The following B3GALT1 variants were observed in gnomAD, a reference collection of about 807,000 sequenced individuals.
B3GALT1 encodes UDP-Gal:betaGlcNAc beta 1,3-galactosyltransferase, polypeptide 1.
In B3GALT1, 10 loss-of-function variants were observed where a neutral mutation model predicts 23.2. That is an observed-to-expected ratio of 0.43 (90% confidence interval 0.27 to 0.73). The LOEUF is 0.73. Among genes scored for constraint, B3GALT1 ranks in the 30% least tolerant of loss-of-function variants. The pLI is 0.21. For missense variants in B3GALT1, 299 were observed against 405.4 expected, an observed-to-expected ratio of 0.74 and a Z score of 2.25; for synonymous variants, 156 against 141.5, an observed-to-expected ratio of 1.10 and a Z score of -0.73.
At chr2:167,382,394 T>C (rs1226926410) in intron 1 of B3GALT1, among the ~76,000 whole-genome samples, 1 of 152,130 alleles carries the variant, frequency 6.6e-6, no homozygotes, top group Non-Finnish European at 1.5e-5. Context: ...GTTAAGGATG[T>C]TGCTTATGGT....
intron 2 of B3GALT1, among the ~76,000 whole-genome samples, chr2:167,569,774 T>G (rs1684256506): frequency 6.6e-6 from 1 of 151,920 alleles, no homozygotes; most frequent in African/African-American, 2.4e-5. Flanking sequence ...TTCTGACCAC[T>G]AAGTGTAATG....
intron 3 of B3GALT1, among the ~76,000 whole-genome samples, chr2:167,719,689 T>C (rs1316281370): frequency 1.3e-5 from 2 of 152,142 alleles, no homozygotes; most frequent in Non-Finnish European, 2.9e-5. Flanking sequence ...ATCCAGCACT[T>C]TGGGAGGCCG....
chr2:167,610,926 A>T (rs867535002), intron 2 of B3GALT1, among the ~76,000 whole-genome samples: 1 of 139,664 alleles, frequency 7.2e-6, no homozygotes, highest in African/African-American at 2.7e-5. Context: ...AAAAAAAAAA[A>T]AGAGAGAGAG....
intron 2 of B3GALT1, among the ~76,000 whole-genome samples, chr2:167,521,991 T>TATATATATATATATATATACAC (rs1700195760): frequency 7.3e-6 from 1 of 136,324 alleles, no homozygotes; most frequent in Non-Finnish European, 1.5e-5. Flanking sequence ...TGTGTATATA[T>TATATATATATATATATATACAC]ATATATATAT....
At chr2:167,307,198 C>T (rs1380709652) in intron 1 of B3GALT1, among the ~76,000 whole-genome samples, 4 of 152,038 alleles carry the variant, frequency 2.6e-5, no homozygotes, top group Middle Eastern at 3.4e-3. Flanking sequence ...CCTTTATACA[C>T]GAGTTAATTT....
At chr2:167,668,657 C>T (rs1686260538) in intron 3 of B3GALT1, among the ~76,000 whole-genome samples, 1 of 152,166 alleles carries the variant, frequency 6.6e-6, no homozygotes, top group South Asian at 2.1e-4. Context: ...TCCTGGTGCG[C>T]CGTTTTTTAA....
intron 2 of B3GALT1, among the ~76,000 whole-genome samples, chr2:167,625,339 C>T (rs1399832413): frequency 6.6e-6 from 1 of 151,868 alleles, no homozygotes; most frequent in Non-Finnish European, 1.5e-5. Flanking sequence ...CTGACCTTCA[C>T]CAGTTCAGTA....
chr2:167,730,368 C>T (rs1258271766), intron 3 of B3GALT1, among the ~76,000 whole-genome samples: 1 of 152,224 alleles, frequency 6.6e-6, no homozygotes, highest in Non-Finnish European at 1.5e-5. Flanking sequence ...TCAAACTTCA[C>T]TAGCAAAGTG....
At chr2:167,414,475 A>G (rs1014047503) in intron 1 of B3GALT1, among the ~76,000 whole-genome samples, 5 of 152,190 alleles carry the variant, frequency 3.3e-5, no homozygotes, top group Non-Finnish European at 5.9e-5. Context: ...CATTACTGCT[A>G]AAGTACCACA....
intron 2 of B3GALT1, among the ~76,000 whole-genome samples, chr2:167,638,179 T>C (rs1169829205): frequency 6.6e-6 from 1 of 152,056 alleles, no homozygotes; most frequent in African/African-American, 2.4e-5. Context: ...AGTTAATCAA[T>C]TTGAAAATTA....
chr2:167,447,747 A>G (rs138155942), intron 1 of B3GALT1, among the ~76,000 whole-genome samples: 2,647 of 152,248 alleles, frequency 0.017, 83 homozygotes, highest in African/African-American at 0.061. Context: ...CCGATTTTCC[A>G]GGTGCCGTCT....
intron 2 of B3GALT1, among the ~76,000 whole-genome samples, chr2:167,507,849 G>C (rs1200563617): frequency 6.6e-6 from 1 of 152,182 alleles, no homozygotes; most frequent in Non-Finnish European, 1.5e-5. Flanking sequence ...CTTGTACTTA[G>C]TGAATGTCTT....
At chr2:167,664,979 G>A (rs1466273274) in intron 3 of B3GALT1, among the ~76,000 whole-genome samples, 5 of 150,956 alleles carry the variant, frequency 3.3e-5, no homozygotes, top group Admixed American at 6.6e-5. Flanking sequence ...AATTGCCCTG[G>A]CCAGAACTTC....
intron 3 of B3GALT1, among the ~76,000 whole-genome samples, chr2:167,724,133 A>G (rs938407081): frequency 3.3e-5 from 5 of 152,208 alleles, no homozygotes; most frequent in African/African-American, 1.2e-4. Context: ...AGTCAATTCA[A>G]CCATGCCTGG....
intron 2 of B3GALT1, among the ~76,000 whole-genome samples, chr2:167,557,140 A>G (rs1032203853): frequency 6.6e-6 from 1 of 151,812 alleles, no homozygotes; most frequent in Non-Finnish European, 1.5e-5. Context: ...TAAGTACATT[A>G]GTCTTTTTTT....
intron 3 of B3GALT1, among the ~76,000 whole-genome samples, chr2:167,810,955 G>A (rs1258456174): frequency 6.6e-6 from 1 of 152,150 alleles, no homozygotes; most frequent in Non-Finnish European, 1.5e-5. Context: ...TACCAGAATG[G>A]GCTGCCTAAA....
rs540010270 is a variant in B3GALT1, at chr2:167,696,577, A to G, written c.-352+49611A>G. ...CCTATGTAGTGTTACTCTCTCTCCA[A>G]TTAAGAACAGACATGATATCATCTC... On this transcript the variant is annotated intron_variant, in intron 3 of 4. Coordinates refer to ENST00000392690, the MANE Select transcript of B3GALT1 (RefSeq NM_020981.4). Among the ~76,000 whole-genome samples, 37 of 152,250 alleles carry G rather than the reference A, an allele frequency of 2.4e-4. 1 individual carries two copies. The South Asian group carries it at 2.7e-3, about 11-fold the overall frequency.
At chr2:167,298,848 G>C (rs941867123) in intron 1 of B3GALT1, among the ~76,000 whole-genome samples, 6 of 151,744 alleles carry the variant, frequency 4.0e-5, no homozygotes, top group African/African-American at 1.4e-4. Flanking sequence ...AAATTTAAAA[G>C]CTACTGCATT....
At position 167,344,348 on chromosome 2, in the gene B3GALT1, A is replaced by G. The variant is rs141000773; in HGVS notation, c.-511+51014A>G. Among the ~76,000 whole-genome samples, 367 of 152,280 alleles carry G rather than the reference A, an allele frequency of 2.4e-3. 1 individual carries two copies. The highest frequency in any genetic ancestry group is 6.8e-3 in the Middle Eastern group (2 of 294). The stretch of plus-strand genomic sequence containing the variant: ...AAGCAAAATTGAGGACATATTTTTT[A>G]TCATTTAAATTCATTTAACATTCTA... On this transcript the variant is annotated intron_variant, in intron 1 of 4. Transcript: ENST00000392690.
Sources: gnomAD v4.1 joint callset for allele counts (sites outside exome capture counted in the v4.1 genomes callset) on GRCh38, gnomAD v4.1.1 for gene constraint, MANE v1.5 for transcripts, NCBI Gene and HGNC (gene_info 2026-07-23, HGNC 2026-07-21) for gene names.